Variants in DENND5A observed in about 807,000 individuals in gnomAD.
The protein encoded by DENND5A is DENN domain-containing protein 5A.
Under a neutral mutation model 140.3 loss-of-function variants are expected in DENND5A, and 64 were observed. That is an observed-to-expected ratio of 0.46 (90% CI 0.37 to 0.56). The LOEUF (loss-of-function observed/expected upper bound fraction) is 0.56, where lower values mean the gene tolerates loss of function less well. DENND5A is among the 20% of genes least tolerant of loss of function. The probability of loss-of-function intolerance (pLI) is 0.00; values close to 1 mark genes in which losing one functional copy is unlikely to be tolerated. For synonymous variants in DENND5A, 605 were observed against 607.7 expected (o/e 1.00, Z 0.07); for missense variants, 1,292 against 1,593.8 (o/e 0.81, Z 3.22).
At chr11:9,238,763 TA>T (rs1851109684) in intron 1 of DENND5A, among the ~76,000 whole-genome samples, 2 of 151,820 alleles carry the variant, frequency 1.3e-5, no homozygotes, top group Non-Finnish European at 2.9e-5. Context: ...TCAACATGCT[TA>T]TAAAGCCTAA....
intron 1 of DENND5A, among the ~76,000 whole-genome samples, chr11:9,235,457 G>A (rs1049573573): frequency 1.3e-5 from 2 of 151,766 alleles, no homozygotes; most frequent in South Asian, 2.1e-4. Context: ...TCAGAAGTTC[G>A]GGACCAGCTG....
intron 1 of DENND5A, among the ~76,000 whole-genome samples, chr11:9,238,489 T>A (rs1484588772): frequency 6.6e-6 from 1 of 151,864 alleles, no homozygotes; most frequent in Non-Finnish European, 1.5e-5. Flanking sequence ...CCATCTCGGC[T>A]CACTGCAACC....
rs1448077665 is a variant in DENND5A at position 9,211,087 on chromosome 11, G to A, written c.110-3455C>T. On this transcript the variant is annotated intron_variant, in intron 1 of 22. Coordinates refer to ENST00000328194, the MANE Select transcript of DENND5A (RefSeq NM_015213.4). The stretch of plus-strand genomic sequence containing the variant: ...TTCAAAGAAGGTAATGATACTGGGT[G>A]AGTTTCCCTTTTTTATGGCTTCCAG... 3.9e-5 allele frequency among the ~76,000 whole-genome samples: 6 copies of A among 152,302 alleles called. No individual in the cohort carries two copies. The East Asian group carries it at 9.6e-4, about 24-fold the overall frequency.
intron 20 of DENND5A, 50 bp from the exon 21 acceptor site, chr11:9,142,895 C>T: frequency 6.2e-7 from 1 of 1,603,960 alleles, no homozygotes; most frequent in South Asian, 1.1e-5. Context: ...GCCGAGCTGC[C>T]CTCCCACCAT....
chr11:9,238,833 CTTTTTT>C (rs35267899), intron 1 of DENND5A, among the ~76,000 whole-genome samples: 11 of 142,074 alleles, frequency 7.7e-5, no homozygotes, highest in African/African-American at 2.1e-4. Context: ...TTTCTTTTTT[CTTTTTT>C]TTTTTTTTGA....
chr11:9,259,979 G>C (rs1202170602), intron 1 of DENND5A, among the ~76,000 whole-genome samples: 1 of 139,424 alleles, frequency 7.2e-6, no homozygotes, highest in Non-Finnish European at 1.5e-5. Context: ...AGTGAGCTGA[G>C]ATCACGCCAT....
At chr11:9,152,303 T>G (rs1045073289) in intron 13 of DENND5A, 55 bp downstream of exon 13, 123 of 1,282,216 alleles carry the variant, frequency 9.6e-5, no homozygotes, top group Non-Finnish European at 2.5e-5. Flanking sequence ...ATCACGCCAG[T>G]GGGTGATGGA....
At chr11:9,237,950 CT>C (rs1173441723) in intron 1 of DENND5A, among the ~76,000 whole-genome samples, 1 of 152,072 alleles carries the variant, frequency 6.6e-6, no homozygotes, top group African/African-American at 2.4e-5. Context: ...AGAAAAACCC[CT>C]ACAAGTGTGT....
intron 10 of DENND5A, among the ~76,000 whole-genome samples, chr11:9,168,143 T>C (rs992794703): frequency 1.3e-5 from 2 of 150,958 alleles, no homozygotes; most frequent in African/African-American, 4.9e-5. Flanking sequence ...CTCAGTGATA[T>C]GGTTTGGCTG....
chr11:9,149,920 A>G (rs1847556488), intron 15 of DENND5A, among the ~76,000 whole-genome samples, 161 bp downstream of exon 15: 1 of 152,206 alleles, frequency 6.6e-6, no homozygotes, highest in African/African-American at 2.4e-5. Flanking sequence ...TTCTACTGAT[A>G]AAAAGGGAGA....
chr11:9,158,997 A>G (rs543774125), intron 12 of DENND5A, among the ~76,000 whole-genome samples: 1 of 152,292 alleles, frequency 6.6e-6, no homozygotes, highest in Admixed American at 6.5e-5. Context: ...ATGCATTAGT[A>G]GTCACTTCCC....
intron 1 of DENND5A, among the ~76,000 whole-genome samples, chr11:9,235,546 T>C (rs1027058336): frequency 6.8e-6 from 1 of 146,180 alleles, no homozygotes; most frequent in Non-Finnish European, 1.5e-5. Flanking sequence ...TAATCCCAGC[T>C]ACTCAGGAGG....
At chr11:9,187,860 G>C (rs570050976) in intron 5 of DENND5A, among the ~76,000 whole-genome samples, 70 of 152,136 alleles carry the variant, frequency 4.6e-4, no homozygotes, top group Non-Finnish European at 8.5e-4. Flanking sequence ...GGAACAAAAA[G>C]CTTTTTACAG....
intron 10 of DENND5A, among the ~76,000 whole-genome samples, 172 bp from the exon 11 acceptor site, chr11:9,166,139 T>C (rs10840184): frequency 0.46 from 69,736 of 150,270 alleles, 17,314 homozygotes; most frequent in African/African-American, 0.64. Flanking sequence ...AGTGCAGTGG[T>C]GTGATCTCAG....
At chr11:9,145,152 T>C in intron 17 of DENND5A, 39 bp from the exon 18 acceptor site, 2 of 1,465,586 alleles carry the variant, frequency 1.4e-6, no homozygotes, top group Non-Finnish European at 9.6e-7. Context: ...GTCAGGAAAA[T>C]CAGAGAAAAG....
Position 9,160,867 on chromosome 11 carries a change from T to C in DENND5A, c.2284-2A>G. On this transcript the variant is annotated splice_acceptor_variant, in intron 11 of 22. Transcript: ENST00000328194. LOFTEE classifies it high-confidence loss of function. ...CTTTTCCACCAGCATCCTCTTGGTC[T>C]ACAAGGAAGCAGTCAACAGGATTAA... 1 of 1,613,740 alleles carries C rather than the reference T, an allele frequency of 6.2e-7. No homozygotes were observed. Among genetic ancestry groups the C allele is most frequent in the Non-Finnish European group, 8.5e-7 (1 of 1,179,708 alleles).
At chr11:9,179,443 C>T (rs1206950534) in intron 6 of DENND5A, among the ~76,000 whole-genome samples, 1 of 151,832 alleles carries the variant, frequency 6.6e-6, no homozygotes, top group Admixed American at 6.6e-5. Flanking sequence ...TAAATTCTGG[C>T]TCTCTTGATT....
intron 1 of DENND5A, among the ~76,000 whole-genome samples, chr11:9,230,935 C>T (rs1360334353): frequency 6.6e-6 from 1 of 152,048 alleles, no homozygotes. Flanking sequence ...CTGCAGTGAG[C>T]AGTTAGCGTG....
At chr11:9,152,033 A>T (rs1297026338) in intron 13 of DENND5A, among the ~76,000 whole-genome samples, 3 of 152,206 alleles carry the variant, frequency 2.0e-5, no homozygotes, top group Admixed American at 2.0e-4. Context: ...AGAGAAATAA[A>T]ACAAAAGACT....
Sources: allele counts gnomAD v4.1 joint callset (sites outside exome capture counted in the v4.1 genomes callset), GRCh38; gene constraint gnomAD v4.1.1; transcripts MANE v1.5; gene names NCBI Gene and HGNC (gene_info 2026-07-23, HGNC 2026-07-21).